Variants in ITGB8 observed in about 807,000 individuals in gnomAD.
ITGB8 encodes integrin subunit beta 8.
In ITGB8, 30 loss-of-function variants were observed where a neutral mutation model predicts 89.5. The ratio of observed to expected loss-of-function variants is 0.34; its 90% CI spans 0.25 to 0.45. The LOEUF is 0.45. Ranked by LOEUF, ITGB8 falls within the 20% of genes least tolerant of loss-of-function variation. The pLI is 1.00. For missense variants in ITGB8, 836 were observed against 933.3 expected, an observed-to-expected ratio of 0.90 and a Z score of 1.36; for synonymous variants, 335 against 320.4, an observed-to-expected ratio of 1.05 and a Z score of -0.49.
intron 6 of ITGB8, among the ~76,000 whole-genome samples, chr7:20,388,554 T>C (rs1245315752): frequency 6.6e-6 from 1 of 152,226 alleles, no homozygotes; most frequent in African/African-American, 2.4e-5. Flanking sequence ...CTTGAGGTAC[T>C]TGGAATTTTC....
intron 3 of ITGB8, among the ~76,000 whole-genome samples, chr7:20,370,341 A>G (rs1046114690): frequency 6.6e-6 from 1 of 151,596 alleles, no homozygotes; most frequent in African/African-American, 2.4e-5. Flanking sequence ...TCTTGAGATA[A>G]TTTTCTAGGA....
At chr7:20,362,472 T>C (rs1401637728) in intron 1 of ITGB8, among the ~76,000 whole-genome samples, 1 of 152,204 alleles carries the variant, frequency 6.6e-6, no homozygotes, top group Non-Finnish European at 1.5e-5. Context: ...TGACTGCCTC[T>C]GGGGAGCAAT....
At chr7:20,409,004 T>C (rs1298375965) in intron 12 of ITGB8, among the ~76,000 whole-genome samples, 1 of 152,188 alleles carries the variant, frequency 6.6e-6, no homozygotes, top group Non-Finnish European at 1.5e-5. Context: ...TTGTCCCAAA[T>C]TGGACACTCC....
At chr7:20,395,624 T>C (rs1787041862) in intron 8 of ITGB8, among the ~76,000 whole-genome samples, 1 of 152,248 alleles carries the variant, frequency 6.6e-6, no homozygotes, top group Non-Finnish European at 1.5e-5. Flanking sequence ...CATTCCTGAA[T>C]AGAACCACCT....
chr7:20,388,548 A>G (rs1786721195), intron 6 of ITGB8, among the ~76,000 whole-genome samples: 1 of 152,172 alleles, frequency 6.6e-6, no homozygotes, highest in African/African-American at 2.4e-5. Flanking sequence ...ATCTGCCTTG[A>G]GGTACTTGGA....
In ITGB8 at chr7:20,333,802, A is replaced by G. The variant is rs1284221377; in HGVS notation, c.127+1869A>G. ...TCTGATGTATACTGATTTGCATGGC[A>G]GTTAAAAACATGCAAAAAATGTAAA... On this transcript the variant is annotated intron_variant, in intron 1 of 13. Coordinates refer to ENST00000222573, the MANE Select transcript of ITGB8 (RefSeq NM_002214.3). Among the ~76,000 whole-genome samples, 4 of 152,204 alleles carry G rather than the reference A, an allele frequency of 2.6e-5. No individual in the cohort carries two copies. The East Asian group carries it at 5.8e-4, about 22-fold the overall frequency.
intron 7 of ITGB8, among the ~76,000 whole-genome samples, chr7:20,391,711 G>A (rs185319848): frequency 1.3e-5 from 2 of 152,282 alleles, no homozygotes; most frequent in East Asian, 3.9e-4. Context: ...AACCAAATCT[G>A]AGAACTGAGA....
intron 1 of ITGB8, among the ~76,000 whole-genome samples, chr7:20,342,872 A>G (rs1784809358): frequency 6.6e-6 from 1 of 152,234 alleles, no homozygotes; most frequent in South Asian, 2.1e-4. Flanking sequence ...CTTCCAGGCC[A>G]GAAGAAACAG....
intron 1 of ITGB8, among the ~76,000 whole-genome samples, chr7:20,348,757 T>C (rs1401624726): frequency 6.6e-6 from 1 of 152,242 alleles, no homozygotes; most frequent in East Asian, 1.9e-4. Flanking sequence ...TTTGAAAGAA[T>C]AGAGATTGAT....
At chr7:20,405,561 A>G (rs1787505216) in intron 11 of ITGB8, among the ~76,000 whole-genome samples, 1 of 150,616 alleles carries the variant, frequency 6.6e-6, no homozygotes, top group Admixed American at 6.6e-5. Flanking sequence ...CTCGTGATCC[A>G]CCCACCTCGG....
intron 6 of ITGB8, among the ~76,000 whole-genome samples, chr7:20,388,086 A>C (rs1038286525): frequency 1.1e-4 from 16 of 152,168 alleles, no homozygotes; most frequent in African/African-American, 3.6e-4. Context: ...ACATTATTAA[A>C]ATTCTCCCAT....
At chr7:20,350,821 T>G (rs1477625827) in intron 1 of ITGB8, among the ~76,000 whole-genome samples, 1 of 152,250 alleles carries the variant, frequency 6.6e-6, no homozygotes, top group South Asian at 2.1e-4. Flanking sequence ...CCTATGCTAC[T>G]GCCTAATTAG....
intron 8 of ITGB8, among the ~76,000 whole-genome samples, chr7:20,398,391 T>C (rs1308054266): frequency 6.6e-6 from 1 of 152,232 alleles, no homozygotes; most frequent in Non-Finnish European, 1.5e-5. Flanking sequence ...TCGTTTTAGC[T>C]ATCATGATAG....
chr7:20,337,756 T>A (rs1784623225), intron 1 of ITGB8, among the ~76,000 whole-genome samples: 1 of 152,198 alleles, frequency 6.6e-6, no homozygotes, highest in Non-Finnish European at 1.5e-5. Flanking sequence ...CTTGGAAGGT[T>A]CAGCTCTAGC....
intron 6 of ITGB8, among the ~76,000 whole-genome samples, chr7:20,383,562 A>C (rs1012992760): frequency 1.3e-5 from 2 of 152,186 alleles, no homozygotes; most frequent in African/African-American, 4.8e-5. Flanking sequence ...CAATGACATT[A>C]TTCTCAAATT....
chr7:20,366,944 T>A, intron 2 of ITGB8, 68 bp from the exon 3 acceptor site: 1 of 1,035,340 alleles, frequency 9.7e-7, no homozygotes, highest in African/African-American at 1.6e-5. Context: ...CAATATTTGC[T>A]ATGTCATTTT....
intron 1 of ITGB8, among the ~76,000 whole-genome samples, chr7:20,361,476 G>A (rs976298852): frequency 1.3e-5 from 2 of 152,188 alleles, no homozygotes; most frequent in African/African-American, 4.8e-5. Flanking sequence ...ACTTCTTGCT[G>A]TGTCCTTACA....
chr7:20,344,227 T>C (rs867279333), intron 1 of ITGB8, among the ~76,000 whole-genome samples: 25 of 152,132 alleles, frequency 1.6e-4, no homozygotes, highest in Admixed American at 5.2e-4. Context: ...ATATGTCAAA[T>C]GTGTTCTGAT....
intron 6 of ITGB8, among the ~76,000 whole-genome samples, chr7:20,388,592 C>CA (rs1215807427): frequency 1.3e-5 from 2 of 151,990 alleles, no homozygotes; most frequent in Non-Finnish European, 2.9e-5. Context: ...CTCTAGGGCT[C>CA]AAAAAATCTG....
Sources: allele counts gnomAD v4.1 joint callset (sites outside exome capture counted in the v4.1 genomes callset), GRCh38; gene constraint gnomAD v4.1.1; transcripts MANE v1.5; gene names NCBI Gene and HGNC (gene_info 2026-07-23, HGNC 2026-07-21).